The following DOK6 variants were observed in gnomAD, a reference collection of about 807,000 sequenced individuals.
DOK6 encodes downstream of tyrosine kinase 6.
In DOK6, 22 loss-of-function variants were observed where a neutral mutation model predicts 44.0. The observed-to-expected ratio is 0.50, with a 90% CI of 0.36 to 0.71. The LOEUF (loss-of-function observed/expected upper bound fraction) is 0.71, where lower values mean the gene tolerates loss of function less well. DOK6 is among the 30% of genes least tolerant of loss of function. The pLI, the probability that DOK6 is intolerant of heterozygous loss-of-function variation, is 0.00. For missense variants in DOK6, 340 were observed against 416.4 expected (o/e 0.82, Z 1.60); for synonymous variants, 166 against 145.5 (o/e 1.14, Z -1.01).
chr18:69,401,530 C>G (rs1916099757), intron 1 of DOK6, among the ~76,000 whole-genome samples: 1 of 152,110 alleles, frequency 6.6e-6, no homozygotes, highest in Non-Finnish European at 1.5e-5. Flanking sequence ...GAGTCCCCAT[C>G]CTCGAGTGCA....
At chr18:69,615,943 AG>A (rs1039264233) in intron 3 of DOK6, among the ~76,000 whole-genome samples, 1 of 152,164 alleles carries the variant, frequency 6.6e-6, no homozygotes, top group African/African-American at 2.4e-5. Context: ...TTTCTAAAAG[AG>A]GTGCTTGTAT....
intron 6 of DOK6, among the ~76,000 whole-genome samples, chr18:69,752,352 T>G (rs1484391934): frequency 6.6e-6 from 1 of 152,218 alleles, no homozygotes; most frequent in Non-Finnish European, 1.5e-5. Flanking sequence ...ACAACGGTCA[T>G]AATTCTACTT....
chr18:69,446,206 CT>C (rs1220868857), intron 1 of DOK6, among the ~76,000 whole-genome samples: 2 of 114,278 alleles, frequency 1.8e-5, no homozygotes, highest in African/African-American at 6.8e-5. Flanking sequence ...TCCCTCCCCC[CT>C]CCCCCCACCC....
intron 7 of DOK6, among the ~76,000 whole-genome samples, chr18:69,784,562 A>T (rs948151025): frequency 2.0e-5 from 3 of 151,984 alleles, no homozygotes; most frequent in Admixed American, 6.6e-5. Flanking sequence ...TAATTTCTTT[A>T]AAAATTGCAT....
rs10659444 is a variant in DOK6, at chr18:69,677,370, G to GTATA, written c.290-352_290-349dup. Among the ~76,000 whole-genome samples the GTATA allele has an allele frequency of 2.3e-4, 35 of 149,230 alleles. 1 individual carries two copies. The highest frequency in any genetic ancestry group is 3.6e-3 in the Middle Eastern group (1 of 280). ...CTATATATATATTATATATGTGTGT[G>GTATA]TATATATATATATATGTATATAAAA... On this transcript the variant is annotated intron_variant, in intron 3 of 7. Transcript: ENST00000382713.
intron 3 of DOK6, among the ~76,000 whole-genome samples, chr18:69,644,326 A>G (rs2144656780): frequency 1.3e-5 from 2 of 151,060 alleles, no homozygotes; most frequent in South Asian, 4.2e-4. Flanking sequence ...AAATCTAAGA[A>G]CTCTTTGCGT....
chr18:69,423,764 T>C (rs970821236), intron 1 of DOK6, among the ~76,000 whole-genome samples: 10 of 152,202 alleles, frequency 6.6e-5, no homozygotes. Context: ...TATGAAATAT[T>C]CCAAACATAC....
intron 1 of DOK6, among the ~76,000 whole-genome samples, chr18:69,460,936 T>C (rs765565864): frequency 1.3e-5 from 2 of 152,180 alleles, no homozygotes; most frequent in Admixed American, 6.5e-5. Flanking sequence ...TTTCTGTGTG[T>C]GTGTGCACGT....
At chr18:69,440,799 G>T (rs548040910) in intron 1 of DOK6, among the ~76,000 whole-genome samples, 2 of 151,428 alleles carry the variant, frequency 1.3e-5, no homozygotes, top group African/African-American at 2.4e-5. Flanking sequence ...TATGAGATAC[G>T]TTGAACATGA....
At chr18:69,810,258 C>T (rs575451694) in intron 7 of DOK6, among the ~76,000 whole-genome samples, 1 of 152,052 alleles carries the variant, frequency 6.6e-6, no homozygotes, top group Admixed American at 6.6e-5. Context: ...ACTGTATATC[C>T]ACATGCAGAA....
chr18:69,835,396 T>C lies in DOK6; in HGVS notation c.857-5848T>C, dbSNP rs569315269. On this transcript the variant is annotated intron_variant, in intron 7 of 7. Transcript: ENST00000382713. The stretch of plus-strand genomic sequence containing the variant: ...AGGAGAATGGCGTGAACCCGGGAGG[T>C]GGAGCTTGCAGTGAGCCAAAATCGC... 4.0e-3 allele frequency among the ~76,000 whole-genome samples: 608 copies of C among 150,924 alleles called. 3 individuals carry two copies. Among genetic ancestry groups the C allele is most frequent in the Non-Finnish European group, 7.1e-3 (483 of 67,736 alleles).
In DOK6 at chr18:69,728,073, C is replaced by T. The variant is rs561080129; in HGVS notation, c.600-10892C>T. Among the ~76,000 whole-genome samples, 5 of 152,302 alleles carry T rather than the reference C, an allele frequency of 3.3e-5. No homozygotes were observed. The East Asian group carries it at 5.8e-4, about 18-fold the overall frequency. On this transcript the variant is annotated intron_variant, in intron 5 of 7. Transcript: ENST00000382713. ...TGGGCTTTGCAGGGATGCGCTGTCA[C>T]GCTCCACTGAAACCCCTGATCCTGA...
intron 3 of DOK6, among the ~76,000 whole-genome samples, chr18:69,617,740 GGGAA>G (rs1400933873): frequency 3.8e-5 from 2 of 51,950 alleles, no homozygotes; most frequent in Non-Finnish European, 1.1e-4. Context: ...GGGGGAAGGA[GGGAA>G]GGAAGGAAGG....
intron 7 of DOK6, among the ~76,000 whole-genome samples, chr18:69,835,271 G>A (rs1189767346): frequency 6.6e-6 from 1 of 152,084 alleles, no homozygotes; most frequent in African/African-American, 2.4e-5. Context: ...GACCATCTTG[G>A]CTAACACGGT....
intron 1 of DOK6, among the ~76,000 whole-genome samples, chr18:69,428,866 A>C (rs1978717773): frequency 6.6e-6 from 1 of 152,236 alleles, no homozygotes; most frequent in Non-Finnish European, 1.5e-5. Flanking sequence ...TAATCATCAG[A>C]ATCATTGTCT....
intron 7 of DOK6, 123 bp from the exon 8 acceptor site, chr18:69,841,121 G>C: frequency 7.9e-7 from 1 of 1,262,408 alleles, no homozygotes; most frequent in Non-Finnish European, 1.1e-6. Flanking sequence ...GGATGTGAAA[G>C]CTGCTGCCTT....
At chr18:69,646,040 A>T (rs1985064074) in intron 3 of DOK6, among the ~76,000 whole-genome samples, 1 of 152,094 alleles carries the variant, frequency 6.6e-6, no homozygotes, top group Admixed American at 6.6e-5. Context: ...TTGTTCTAGT[A>T]TTTATTATAT....
At chr18:69,727,556 G>C (rs1353659304) in intron 5 of DOK6, among the ~76,000 whole-genome samples, 3 of 152,146 alleles carry the variant, frequency 2.0e-5, no homozygotes, top group Non-Finnish European at 4.4e-5. Flanking sequence ...AAGATGTGTG[G>C]GCAGAAACTT....
At chr18:69,457,239 A>T (rs915721742) in intron 1 of DOK6, among the ~76,000 whole-genome samples, 2 of 152,204 alleles carry the variant, frequency 1.3e-5, no homozygotes, top group African/African-American at 4.8e-5. Context: ...AACATTAAGA[A>T]GGCTATTTGC....
Sources: allele counts gnomAD v4.1 joint callset (sites outside exome capture counted in the v4.1 genomes callset), GRCh38; gene constraint gnomAD v4.1.1; transcripts MANE v1.5; gene names NCBI Gene and HGNC (gene_info 2026-07-23, HGNC 2026-07-21).